The following AGO2 variants were observed in gnomAD, a reference collection of about 807,000 sequenced individuals.
AGO2 encodes the protein protein argonaute-2.
In AGO2, 5 loss-of-function variants were observed where a neutral mutation model predicts 102.3. The ratio of observed to expected loss-of-function variants is 0.05; its 90% CI spans 0.03 to 0.10. The LOEUF (loss-of-function observed/expected upper bound fraction) is 0.10. AGO2 is among the 10% of genes least tolerant of loss of function. The probability of loss-of-function intolerance (pLI) is 1.00; values close to 1 mark genes in which losing one functional copy is unlikely to be tolerated. For synonymous variants in AGO2, 449 were observed against 473.1 expected, an observed-to-expected ratio of 0.95 and a Z score of 0.66; for missense variants, 541 against 1,183.7, an observed-to-expected ratio of 0.46 and a Z score of 7.97.
At chr8:140,532,937 G>A (rs1188818229) in intron 17 of AGO2, among the ~76,000 whole-genome samples, 2 of 151,672 alleles carry the variant, frequency 1.3e-5, no homozygotes, top group African/African-American at 4.8e-5. Context: ...GGTAGAGGTT[G>A]CGGTGAGCCG....
At chr8:140,566,945 C>CA (rs2073297462) in intron 3 of AGO2, among the ~76,000 whole-genome samples, 1 of 152,214 alleles carries the variant, frequency 6.6e-6, no homozygotes, top group Non-Finnish European at 1.5e-5. Context: ...AGAGCGCGTG[C>CA]ATTTCCAGCT....
intron 1 of AGO2, among the ~76,000 whole-genome samples, chr8:140,602,959 C>T (rs1377820465): frequency 6.6e-6 from 1 of 152,234 alleles, no homozygotes; most frequent in African/African-American, 2.4e-5. Context: ...GAAAAGTTAA[C>T]GACGATGCCT....
At chr8:140,636,956 C>A (rs1464382229), upstream of AGO2, 1 of 152,180 alleles carries the variant, frequency 6.6e-6, no homozygotes, top group Non-Finnish European at 1.5e-5. Flanking sequence ...AAACTGCATT[C>A]TTTAGGGAAG....
chr8:140,546,723 T>C (rs1254021028), intron 13 of AGO2, among the ~76,000 whole-genome samples: 4 of 152,230 alleles, frequency 2.6e-5, no homozygotes, highest in Non-Finnish European at 4.4e-5. Context: ...AATAATCTGA[T>C]TCTACGTATT....
At chr8:140,611,999 C>T (rs1369889391) in intron 1 of AGO2, among the ~76,000 whole-genome samples, 8 of 150,502 alleles carry the variant, frequency 5.3e-5, no homozygotes, top group East Asian at 2.0e-4. Context: ...CCGAGGCGGG[C>T]GATCACGAGG....
rs1168675386 is a variant in AGO2, at chr8:140,573,056, C to T, written c.216-124G>A. 3.3e-6 allele frequency: 4 copies of T among 1,212,810 alleles called. No individual in the cohort carries two copies. In the African/African-American group the frequency reaches 6.3e-5, roughly 19 times the overall value. 75.1% of individuals were successfully genotyped at this position (1,212,810 alleles called of 1,614,324 possible). ...TGGAGTCTTGCTCTTGTGGCCCAGG[C>T]TGGAGTGCAATGGCGTGATCTCAGC... On this transcript the variant is annotated intron_variant, in intron 2 of 18. Transcript: ENST00000220592.
intron 1 of AGO2, among the ~76,000 whole-genome samples, chr8:140,586,728 C>A (rs569341385): frequency 1.2e-4 from 18 of 152,338 alleles, no homozygotes; most frequent in Non-Finnish European, 2.4e-4. Context: ...CTTCTCTCTA[C>A]GCCACACCGG....
intron 1 of AGO2, among the ~76,000 whole-genome samples, chr8:140,607,613 G>T (rs1003317045): frequency 7.9e-5 from 12 of 151,512 alleles, no homozygotes; most frequent in African/African-American, 2.7e-4. Context: ...CCATGAAAAG[G>T]AATGGGGCAC....
intron 1 of AGO2, among the ~76,000 whole-genome samples, chr8:140,599,533 A>ACACTCCCAGGTTTGC (rs1588494543): frequency 6.6e-6 from 1 of 152,050 alleles, no homozygotes; most frequent in Non-Finnish European, 1.5e-5. Flanking sequence ...TCCAGGTCCG[A>ACACTCCCAGGTTTGC]CACTCCCAGG....
rs9324526 is a variant in AGO2, at chr8:140,599,889, T to A, written c.23-14578A>T. 2.8e-4 allele frequency among the ~76,000 whole-genome samples: 43 copies of A among 152,062 alleles called. 1 individual carries two copies. The highest frequency in any genetic ancestry group is 1.0e-3 in the African/African-American group (43 of 41,410). On this transcript the variant is annotated intron_variant, in intron 1 of 18. Coordinates refer to ENST00000220592, the MANE Select transcript of AGO2 (RefSeq NM_012154.5). ...GGCACCCACCATCACACCTGGCTGA[T>A]TTTTGTATTTTTCGCAGAGATGGGG...
chr8:140,641,702 G>GC, the AGO2 span, among the ~76,000 whole-genome samples: 2 of 152,200 alleles, frequency 1.3e-5, no homozygotes, highest in African/African-American at 4.8e-5. Context: ...TCGTGCCTCA[G>GC]CCCCCCGAGT....
intron 2 of AGO2, among the ~76,000 whole-genome samples, chr8:140,573,256 G>A (rs183862910): frequency 5.5e-4 from 83 of 151,944 alleles, no homozygotes; most frequent in African/African-American, 1.6e-3. Flanking sequence ...TGCAATCTAC[G>A]CCTCCTGGGT....
At chr8:140,602,004 C>G (rs1028505076) in intron 1 of AGO2, among the ~76,000 whole-genome samples, 1 of 152,186 alleles carries the variant, frequency 6.6e-6, no homozygotes, top group Non-Finnish European at 1.5e-5. Context: ...TAAGCCCACA[C>G]AGCCCTGGAA....
intron 16 of AGO2, among the ~76,000 whole-genome samples, chr8:140,536,801 G>A (rs1001124881): frequency 6.6e-6 from 1 of 152,196 alleles, no homozygotes; most frequent in Non-Finnish European, 1.5e-5. Context: ...GGGCTGCAGC[G>A]GGGAGGAAGG....
At chr8:140,569,185 G>A (rs1330902609) in intron 3 of AGO2, among the ~76,000 whole-genome samples, 1 of 152,256 alleles carries the variant, frequency 6.6e-6, no homozygotes, top group African/African-American at 2.4e-5. Context: ...AGGCGGACAG[G>A]CAGGAGTGCC....
Position 140,557,164 on chromosome 8 carries a change from C to T in AGO2, c.951G>A (p.Lys317=), listed in dbSNP as rs150273620. The T allele has an allele frequency of 6.2e-7, 1 of 1,614,144 alleles. No homozygotes were observed. The highest frequency in any genetic ancestry group is 8.5e-7 in the Non-Finnish European group (1 of 1,180,010). The change falls in exon 8 of 19, where the codon AAG becomes AAA. Residue 317 remains lysine (K), a synonymous_variant. Transcript: ENST00000220592. The surrounding 1 kb of genome is among the most constrained non-coding windows in gnomAD (Gnocchi z 5.9). ...TVAQYFKDRH[K]LVLRYPHLPC... ...GGAGGTGGGGGTAGCGCAGAACCAA[C>T]TTGTGCCTGTCCTTGAAATACTGGG...
At chr8:140,629,721 G>A (rs531421729) in intron 1 of AGO2, among the ~76,000 whole-genome samples, 1 of 151,980 alleles carries the variant, frequency 6.6e-6, no homozygotes, top group South Asian at 2.1e-4. Context: ...AGTCTACCTG[G>A]GAGGCTGCCC....
At chr8:140,625,553 T>C (rs1268670127) in intron 1 of AGO2, among the ~76,000 whole-genome samples, 1 of 152,204 alleles carries the variant, frequency 6.6e-6, no homozygotes, top group Non-Finnish European at 1.5e-5. Context: ...AGTCCTGTTT[T>C]GATGCTGCCC....
At chr8:140,606,450 G>C in intron 1 of AGO2, among the ~76,000 whole-genome samples, 1 of 152,172 alleles carries the variant, frequency 6.6e-6, no homozygotes, top group East Asian at 1.9e-4. Context: ...TCAAGAACCT[G>C]ATGTACTTTG....
Sources: gnomAD v4.1 joint callset for allele counts (sites outside exome capture counted in the v4.1 genomes callset) on GRCh38, gnomAD v4.1.1 for gene constraint, Gnocchi (gnomAD v3.1) non-coding constraint, MANE v1.5 for transcripts, NCBI Gene and HGNC (gene_info 2026-07-23, HGNC 2026-07-21) for gene names.